Variants in KCTD16 observed in about 807,000 individuals in gnomAD.
KCTD16 encodes potassium channel tetramerization domain containing 16.
A neutral mutation model predicts 33.2 loss-of-function variants in KCTD16; 13 were observed. The observed-to-expected ratio is 0.39, with a 90% CI of 0.25 to 0.62. KCTD16 has a LOEUF of 0.62. Ranked by LOEUF, KCTD16 falls within the 20% of genes least tolerant of loss-of-function variation. The pLI, the probability that KCTD16 is intolerant of heterozygous loss-of-function variation, is 0.50. For missense variants in KCTD16, 441 were observed against 525.1 expected (o/e 0.84, Z 1.57); for synonymous variants, 197 against 195.3 (o/e 1.01, Z -0.07).
chr5:144,180,644 G>A (rs1752603263), intron 2 of KCTD16, among the ~76,000 whole-genome samples: 1 of 152,214 alleles, frequency 6.6e-6, no homozygotes, highest in African/African-American at 2.4e-5. Context: ...TCATCTGAAA[G>A]CTCATTCACA....
At chr5:144,195,028 A>G (rs936130667) in intron 2 of KCTD16, among the ~76,000 whole-genome samples, 1 of 152,194 alleles carries the variant, frequency 6.6e-6, no homozygotes, top group Non-Finnish European at 1.5e-5. Context: ...TTTGTGTCAC[A>G]CACTTGCCTT....
At chr5:144,422,774 C>A (rs187687691) in intron 3 of KCTD16, among the ~76,000 whole-genome samples, 1 of 152,206 alleles carries the variant, frequency 6.6e-6, no homozygotes, top group East Asian at 1.9e-4. Context: ...GTTTAAGAAG[C>A]ATATCTAATG....
At chr5:144,431,854 CA>C (rs1324566764) in intron 3 of KCTD16, among the ~76,000 whole-genome samples, 1 of 152,108 alleles carries the variant, frequency 6.6e-6, no homozygotes, top group Non-Finnish European at 1.5e-5. Flanking sequence ...CCTGGGCTTA[CA>C]AACATTTTGA....
chr5:144,395,948 CTG>C (rs1276600353), intron 3 of KCTD16, among the ~76,000 whole-genome samples: 1 of 152,208 alleles, frequency 6.6e-6, no homozygotes, highest in East Asian at 1.9e-4. Context: ...ACAGTCATAT[CTG>C]TTAGTTTATG....
At chr5:144,388,542 G>A (rs1471128733) in intron 3 of KCTD16, among the ~76,000 whole-genome samples, 3 of 152,046 alleles carry the variant, frequency 2.0e-5, no homozygotes, top group Non-Finnish European at 2.9e-5. Context: ...GATACCATGG[G>A]ATATGAATCA....
intron 2 of KCTD16, among the ~76,000 whole-genome samples, chr5:144,176,496 G>A (rs528441616): frequency 2.0e-5 from 3 of 147,220 alleles, no homozygotes; most frequent in African/African-American, 2.5e-5. Flanking sequence ...TCCGCTTCCC[G>A]GGTTCACGCC....
intron 3 of KCTD16, among the ~76,000 whole-genome samples, chr5:144,432,782 T>G (rs1488219208): frequency 6.6e-6 from 1 of 152,182 alleles, no homozygotes; most frequent in African/African-American, 2.4e-5. Context: ...TGCCCTAGAC[T>G]TTCTTTTTTA....
chr5:144,247,924 G>A (rs1466896619), intron 3 of KCTD16, among the ~76,000 whole-genome samples: 6 of 152,160 alleles, frequency 3.9e-5, no homozygotes, highest in Non-Finnish European at 8.8e-5. Context: ...CTGATGAGCA[G>A]GTCCTGGGCT....
At chr5:144,435,929 A>G (rs1753567310) in intron 3 of KCTD16, among the ~76,000 whole-genome samples, 1 of 152,044 alleles carries the variant, frequency 6.6e-6, no homozygotes, top group African/African-American at 2.4e-5. Context: ...TACATTCAGT[A>G]CTTCAGCATT....
chr5:144,387,145 T>TTC (rs1228804125), intron 3 of KCTD16, among the ~76,000 whole-genome samples: 2 of 147,124 alleles, frequency 1.4e-5, no homozygotes, highest in Non-Finnish European at 3.0e-5. Context: ...TTAATTTTTT[T>TTC]TTTTTTTTTT....
Position 144,455,248 on chromosome 5 carries a change from T to G in KCTD16, c.833-18412T>G, listed in dbSNP as rs970205879. On this transcript the variant is annotated intron_variant, in intron 3 of 3. Coordinates refer to ENST00000512467, the MANE Select transcript of KCTD16 (RefSeq NM_020768.4). ...TGGAGAGTCTCACCCAACTTCCTTC[T>G]GCTTCCACATGGCCCCTTCTCTGTA... Among the ~76,000 whole-genome samples the G allele has an allele frequency of 2.0e-5, 3 of 152,258 alleles. No homozygotes were observed. The South Asian group carries it at 6.2e-4, about 32-fold the overall frequency.
intron 3 of KCTD16, among the ~76,000 whole-genome samples, chr5:144,433,021 G>C (rs1364543163): frequency 4.6e-5 from 7 of 152,022 alleles, no homozygotes; most frequent in Non-Finnish European, 8.8e-5. Flanking sequence ...ATTTATTCAA[G>C]ACCAAACAAT....
chr5:144,287,862 C>T (rs983773114), intron 3 of KCTD16, among the ~76,000 whole-genome samples: 2 of 152,118 alleles, frequency 1.3e-5, no homozygotes, highest in African/African-American at 2.4e-5. Context: ...TCTCGAACTC[C>T]TGACCTCGTG....
intron 3 of KCTD16, among the ~76,000 whole-genome samples, chr5:144,342,581 G>T (rs1001468913): frequency 1.3e-5 from 2 of 152,054 alleles, no homozygotes; most frequent in Admixed American, 1.3e-4. Context: ...TCCTTCTCCT[G>T]CCTGATTGCC....
chr5:144,189,242 C>T (rs1752789195), intron 2 of KCTD16, among the ~76,000 whole-genome samples: 1 of 152,048 alleles, frequency 6.6e-6, no homozygotes, highest in Non-Finnish European at 1.5e-5. Context: ...CCTGTAATCC[C>T]AGGACTTTGG....
rs184855075 is a variant in KCTD16, at chr5:144,365,450, C to T, written c.833-108210C>T. The stretch of plus-strand genomic sequence containing the variant: ...AAAGAGAGAGAGAAAGAGAGAGAGA[C>T]GGTTGTAAACTAATTAAGCACATGT... On this transcript the variant is annotated intron_variant, in intron 3 of 3. Coordinates refer to ENST00000512467, the MANE Select transcript of KCTD16 (RefSeq NM_020768.4). Among the ~76,000 whole-genome samples, 284 of 151,844 alleles carry T rather than the reference C, an allele frequency of 1.9e-3. 2 individuals are homozygous for T. Among genetic ancestry groups the T allele is most frequent in the Non-Finnish European group, 4.6e-4 (31 of 68,004 alleles).
chr5:144,177,177 A>C (rs1292422364), intron 2 of KCTD16, among the ~76,000 whole-genome samples: 1 of 152,032 alleles, frequency 6.6e-6, no homozygotes, highest in African/African-American at 2.4e-5. Context: ...ATTCCTCACA[A>C]CTCTCTCAAT....
chr5:144,384,478 T>C (rs1311308982), intron 3 of KCTD16, among the ~76,000 whole-genome samples: 4 of 151,910 alleles, frequency 2.6e-5, no homozygotes, highest in Admixed American at 1.3e-4. Flanking sequence ...AATAAATACA[T>C]TTTTTCTAAG....
rs1754723495 is a variant in KCTD16, at chr5:144,482,496, T to C, written c.*8382T>C. On this transcript the variant is annotated 3_prime_UTR_variant, in exon 4 of 4. Coordinates refer to ENST00000512467, the MANE Select transcript of KCTD16 (RefSeq NM_020768.4). ...GTATGAGCGTGTTTATATGTGTTTATGCATGAGTGTATCTAGGTATCTGCT... is the reference window on the plus strand; with the variant it reads ...GTATGAGCGTGTTTATATGTGTTTACGCATGAGTGTATCTAGGTATCTGCT... 1 of 151,912 alleles carries C rather than the reference T, an allele frequency of 6.6e-6. No homozygotes were observed. Among genetic ancestry groups the C allele is most frequent in the African/African-American group, 2.4e-5 (1 of 41,402 alleles). 9.4% of individuals were successfully genotyped at this position (151,912 alleles called of 1,614,324 possible).
Sources: allele counts gnomAD v4.1 joint callset (sites outside exome capture counted in the v4.1 genomes callset), GRCh38; gene constraint gnomAD v4.1.1; transcripts MANE v1.5; gene names NCBI Gene and HGNC (gene_info 2026-07-23, HGNC 2026-07-21).